DKK2: variants seen among roughly 807,000 people sequenced by gnomAD.
DKK2 encodes the protein dickkopf-related protein 2.
A neutral mutation model predicts 28.1 loss-of-function variants in DKK2; 11 were observed. The ratio of observed to expected loss-of-function variants is 0.39; its 90% confidence interval spans 0.25 to 0.65. The LOEUF is 0.65. Among genes scored for constraint, DKK2 ranks in the 30% least tolerant of loss-of-function variants. The pLI, the probability that DKK2 is intolerant of heterozygous loss-of-function variation, is 0.47. For missense variants in DKK2, 326 were observed against 335.5 expected, an observed-to-expected ratio of 0.97 and a Z score of 0.22; for synonymous variants, 135 against 126.5, an observed-to-expected ratio of 1.07 and a Z score of -0.45.
chr4:106,933,546 G>C (rs1208299886), intron 1 of DKK2, among the ~76,000 whole-genome samples: 1 of 152,166 alleles, frequency 6.6e-6, no homozygotes, highest in Admixed American at 6.5e-5. Context: ...ATTATGGCTG[G>C]ATTGTTTCAT....
At chr4:106,973,152 G>A (rs1266512022) in intron 1 of DKK2, among the ~76,000 whole-genome samples, 1 of 152,146 alleles carries the variant, frequency 6.6e-6, no homozygotes, top group East Asian at 1.9e-4. Context: ...ATGGGCATTT[G>A]GGTTGGTTCC....
intron 1 of DKK2, among the ~76,000 whole-genome samples, chr4:106,929,437 T>C (rs1724470285): frequency 6.6e-6 from 1 of 152,286 alleles, no homozygotes; most frequent in Admixed American, 6.5e-5. Context: ...CTTATGAGCA[T>C]CCAGGAATAC....
chr4:107,008,255 T>C (rs1158182276), intron 1 of DKK2, among the ~76,000 whole-genome samples: 2 of 152,128 alleles, frequency 1.3e-5, no homozygotes, highest in Non-Finnish European at 2.9e-5. Flanking sequence ...ACATCTATTC[T>C]GTGTTTGTTA....
At chr4:106,964,262 C>A (rs1045655761) in intron 1 of DKK2, among the ~76,000 whole-genome samples, 2 of 152,114 alleles carry the variant, frequency 1.3e-5, no homozygotes, top group Admixed American at 6.5e-5. Context: ...CACAGAAAGA[C>A]AAATATTACA....
intron 1 of DKK2, among the ~76,000 whole-genome samples, chr4:106,969,514 G>C (rs1001229012): frequency 6.6e-6 from 1 of 151,876 alleles, no homozygotes; most frequent in Non-Finnish European, 1.5e-5. Flanking sequence ...ACCAAGTGTA[G>C]TATTTAAAAG....
rs1037119484 is a variant in DKK2 at position 106,997,269 on chromosome 4, C to T, written c.222+38101G>A. On this transcript the variant is annotated intron_variant, in intron 1 of 3. Coordinates refer to ENST00000285311, the MANE Select transcript of DKK2 (RefSeq NM_014421.3). ...TTAACATCTAACACAGAACCTGACA[C>T]GTAGAAGGCTTTCAAAAAATATTTA... Among the ~76,000 whole-genome samples, 12 of 152,154 alleles carry T rather than the reference C, an allele frequency of 7.9e-5. No individual in the cohort carries two copies. The South Asian group carries it at 1.9e-3, about 24-fold the overall frequency.
At chr4:106,962,538 TGTGTGTGTGTGTGTGA>T (rs1346774629) in intron 1 of DKK2, among the ~76,000 whole-genome samples, 2 of 130,302 alleles carry the variant, frequency 1.5e-5, no homozygotes, top group Non-Finnish European at 3.4e-5. Context: ...TGTGTGTGTG[TGTGTGTGTGTGTGTGA>T]ATGCAGAAGA....
intron 1 of DKK2, among the ~76,000 whole-genome samples, chr4:106,927,952 C>T (rs1578344805): frequency 6.6e-6 from 1 of 152,154 alleles, no homozygotes; most frequent in African/African-American, 2.4e-5. Flanking sequence ...TCAAGCCATT[C>T]TGAGTATAGG....
In DKK2 at chr4:107,035,739, G is replaced by A; in HGVS notation, c.-148C>T. 1 of 750,398 alleles carries A rather than the reference G, an allele frequency of 1.3e-6. No individual in the cohort carries two copies. Among genetic ancestry groups the A allele is most frequent in the Non-Finnish European group, 2.2e-6 (1 of 464,732 alleles). The allele number at this position is 750,398 out of a possible 1,614,324, so 46.5% of individuals were successfully genotyped here. A position where few individuals can be genotyped will look rare whatever the true frequency, so the allele number is the denominator to read the frequency against. ...AACCCTTCCTGGTTCGGGGACCCAG[G>A]ACCCTATGAACTCAGTCTCACGCCT... On this transcript the variant is annotated 5_prime_UTR_variant, in exon 1 of 4. Transcript: ENST00000285311.
At chr4:106,972,822 G>A (rs1478481547) in intron 1 of DKK2, among the ~76,000 whole-genome samples, 1 of 152,122 alleles carries the variant, frequency 6.6e-6, no homozygotes. Flanking sequence ...CATGTGCCAT[G>A]ATGGTTTCCT....
chr4:107,003,249 C>G lies in DKK2; in HGVS notation c.222+32121G>C, dbSNP rs1048472163. 5.9e-5 allele frequency among the ~76,000 whole-genome samples: 9 copies of G among 152,286 alleles called. 1 individual carries two copies. The highest frequency in any genetic ancestry group is 5.9e-4 in the Admixed American group (9 of 15,306). On this transcript the variant is annotated intron_variant, in intron 1 of 3. Coordinates refer to ENST00000285311, the MANE Select transcript of DKK2 (RefSeq NM_014421.3). ...TGCCAACTATACTGAGGAACACTTG[C>G]AGGAAACCAACTACTAGAAGATTCC...
chr4:107,026,207 T>C (rs1723776331), intron 1 of DKK2, among the ~76,000 whole-genome samples: 2 of 152,330 alleles, frequency 1.3e-5, no homozygotes, highest in South Asian at 4.1e-4. Flanking sequence ...AAACTATCTT[T>C]AATGATAATA....
At chr4:106,957,092 G>T (rs1274246067) in intron 1 of DKK2, among the ~76,000 whole-genome samples, 2 of 152,082 alleles carry the variant, frequency 1.3e-5, no homozygotes, top group Non-Finnish European at 2.9e-5. Flanking sequence ...AGTGGGCAAA[G>T]GACATGAACA....
At chr4:106,940,780 T>TA (rs925963308) in intron 1 of DKK2, among the ~76,000 whole-genome samples, 1 of 152,154 alleles carries the variant, frequency 6.6e-6, no homozygotes, top group South Asian at 2.1e-4. Context: ...TATGCAGCCA[T>TA]AAAAAAGGAT....
At chr4:107,035,328 C>T (rs768807904) in intron 1 of DKK2, 42 bp downstream of exon 1, 1 of 1,606,340 alleles carries the variant, frequency 6.2e-7, no homozygotes, top group African/African-American at 1.3e-5. Context: ...GAGCTGGCCC[C>T]TGCCTCTTCT....
chr4:106,929,702 A>G (rs574674707), intron 1 of DKK2, among the ~76,000 whole-genome samples: 1 of 152,336 alleles, frequency 6.6e-6, no homozygotes, highest in South Asian at 2.1e-4. Flanking sequence ...CACATTGGAC[A>G]CATTTTGAAA....
rs1422392393 is a variant in DKK2 at position 107,032,961 on chromosome 4, G to GTATA, written c.222+2408_222+2409insTATA. 4.1e-3 allele frequency among the ~76,000 whole-genome samples: 618 copies of GTATA among 151,918 alleles called. 4 individuals carry two copies. Among genetic ancestry groups the GTATA allele is most frequent in the African/African-American group, 0.013 (539 of 41,384 alleles). The stretch of plus-strand genomic sequence containing the variant: ...TGAAAATAATAATACTAAGAATGTT[G>GTATA]GTGACCACATAACTATAGAATAAAA... On this transcript the variant is annotated intron_variant, in intron 1 of 3. Coordinates refer to ENST00000285311, the MANE Select transcript of DKK2 (RefSeq NM_014421.3).
intron 3 of DKK2, 40 bp from the exon 4 acceptor site, chr4:106,924,244 C>G: frequency 6.3e-7 from 1 of 1,576,510 alleles, no homozygotes; most frequent in Non-Finnish European, 8.6e-7. Flanking sequence ...CCTGACACTT[C>G]AGAAAAAAAA....
chr4:106,962,540 TGTGTG>T (rs1319319565), intron 1 of DKK2, among the ~76,000 whole-genome samples: 11 of 133,822 alleles, frequency 8.2e-5, no homozygotes, highest in Non-Finnish European at 1.6e-4. Context: ...TGTGTGTGTG[TGTGTG>T]TGTGTGTGAA....
Sources: allele counts gnomAD v4.1 joint callset (sites outside exome capture counted in the v4.1 genomes callset), GRCh38; gene constraint gnomAD v4.1.1; transcripts MANE v1.5; gene names NCBI Gene and HGNC (gene_info 2026-07-23, HGNC 2026-07-21).